The following SIPA1L3 variants were observed in gnomAD, a reference collection of about 807,000 sequenced individuals.
SIPA1L3 encodes the protein signal induced proliferation associated 1 like 3.
SIPA1L3 carries 59 observed loss-of-function variants against 150.1 expected under a neutral mutation model. That is an observed-to-expected ratio of 0.39 (90% confidence interval 0.32 to 0.49). The LOEUF is 0.49. SIPA1L3 is among the 20% of genes least tolerant of loss of function. The probability of loss-of-function intolerance (pLI) is 0.86; values close to 1 mark genes in which losing one functional copy is unlikely to be tolerated. For missense variants in SIPA1L3, 2,211 were observed against 2,489.5 expected (o/e 0.89, Z 2.38); for synonymous variants, 1,070 against 1,077.6 (o/e 0.99, Z 0.14).
intron 9 of SIPA1L3, among the ~76,000 whole-genome samples, chr19:38,126,986 ATT>A (rs1971189763): frequency 6.6e-6 from 1 of 152,000 alleles, no homozygotes; most frequent in Non-Finnish European, 1.5e-5. Context: ...AGAGGTCAGG[ATT>A]TCGACACCAG....
chr19:38,144,353 G>T (rs1971661097), intron 12 of SIPA1L3, among the ~76,000 whole-genome samples: 1 of 152,224 alleles, frequency 6.6e-6, no homozygotes, highest in Admixed American at 6.5e-5. Flanking sequence ...CTGATCTTTG[G>T]TATATATTGG....
At chr19:38,160,509 C>T (rs1452177730) in intron 13 of SIPA1L3, among the ~76,000 whole-genome samples, 1 of 151,902 alleles carries the variant, frequency 6.6e-6, no homozygotes, top group Non-Finnish European at 1.5e-5. Context: ...CCAAGCGATT[C>T]TTCTGCCTCA....
At chr19:38,132,903 C>A (rs1971346611) in intron 10 of SIPA1L3, among the ~76,000 whole-genome samples, 1 of 152,164 alleles carries the variant, frequency 6.6e-6, no homozygotes, top group Non-Finnish European at 1.5e-5. Context: ...CCACCTCAGC[C>A]ACCCAAAGTG....
intron 1 of SIPA1L3, among the ~76,000 whole-genome samples, chr19:37,960,494 G>A (rs1364318852): frequency 6.7e-6 from 1 of 150,154 alleles, no homozygotes; most frequent in Non-Finnish European, 1.5e-5. Flanking sequence ...AGCTCCGCCT[G>A]CTGGGTTCAC....
At chr19:37,954,145 A>C (rs73633159) in intron 1 of SIPA1L3, among the ~76,000 whole-genome samples, 3,552 of 152,200 alleles carry the variant, frequency 0.023, 114 homozygotes, top group East Asian at 0.066. Flanking sequence ...AATCATGTAA[A>C]TTTTTCCCTG....
intron 1 of SIPA1L3, among the ~76,000 whole-genome samples, chr19:37,931,176 T>G (rs1182743173): frequency 6.6e-6 from 1 of 152,204 alleles, no homozygotes; most frequent in Non-Finnish European, 1.5e-5. Context: ...TGCAGCTGAT[T>G]GTTGAGCATT....
Position 38,029,104 on chromosome 19 carries a change from C to T in SIPA1L3, c.-363C>T, listed in dbSNP as rs1427321632. The T allele has an allele frequency of 6.6e-6, 1 of 152,222 alleles. No homozygotes were observed. The highest frequency in any genetic ancestry group is 2.4e-5 in the African/African-American group (1 of 41,440). The allele number at this position is 152,222 out of a possible 1,614,324, so 9.4% of individuals were successfully genotyped here. A position where few individuals can be genotyped will look rare whatever the true frequency, so the allele number is the denominator to read the frequency against. On this transcript the variant is annotated 5_prime_UTR_variant, in exon 2 of 22. Transcript: ENST00000222345. ...CTCCATGTAGATGCACAGTCTCTGACATCAGCTCTCCTGGGACCCTCCAAG... is the reference window on the plus strand; with the variant it reads ...CTCCATGTAGATGCACAGTCTCTGATATCAGCTCTCCTGGGACCCTCCAAG...
At chr19:38,188,736 C>T (rs1415189130) in intron 16 of SIPA1L3, among the ~76,000 whole-genome samples, 4 of 149,920 alleles carry the variant, frequency 2.7e-5, no homozygotes, top group South Asian at 2.1e-4. Flanking sequence ...TCCTGGCTAA[C>T]ATGGTGAAAC....
At chr19:38,143,637 C>T (rs1229449197) in intron 12 of SIPA1L3, among the ~76,000 whole-genome samples, 1 of 142,430 alleles carries the variant, frequency 7.0e-6, no homozygotes, top group Non-Finnish European at 1.5e-5. Context: ...CTCCCGGGTT[C>T]AAGTGATTCT....
intron 7 of SIPA1L3, chr19:38,108,476 A>G (rs976505557): frequency 1.3e-5 from 2 of 152,194 alleles, no homozygotes; most frequent in African/African-American, 4.8e-5. Context: ...TTAGTACAGG[A>G]CCAGCCACAG....
chr19:37,959,224 A>T (rs1323261427), intron 1 of SIPA1L3, among the ~76,000 whole-genome samples: 1 of 152,244 alleles, frequency 6.6e-6, no homozygotes, highest in Non-Finnish European at 1.5e-5. Context: ...ACTTGTGCAT[A>T]CATGTTCAGA....
intron 15 of SIPA1L3, among the ~76,000 whole-genome samples, chr19:38,178,593 A>G (rs527792602): frequency 6.6e-6 from 1 of 152,226 alleles, no homozygotes; most frequent in East Asian, 1.9e-4. Flanking sequence ...CTCCTGCTTC[A>G]GCCTCCCGAG....
At chr19:37,935,795 T>C (rs697433) in intron 1 of SIPA1L3, among the ~76,000 whole-genome samples, 125,171 of 152,164 alleles carry the variant, frequency 0.82, 52,073 homozygotes, top group African/African-American at 0.94. Context: ...TAGAACTGGC[T>C]CCACATCACT....
Position 38,110,245 on chromosome 19 carries a change from A to G in SIPA1L3, c.2152A>G (p.Ile718Val). The change falls in exon 8 of 22, where the codon ATA becomes GTA. Residue 718 changes from isoleucine to valine, a missense_variant. This residue lies in a region of SIPA1L3 where 625 missense variants were observed against 804.2 expected (regional missense o/e 0.78). Transcript: ENST00000222345. ...NRQQLLRKRH[I>V]GNDIVTIIFQ... ...TTCCCAGCTGCTACGGAAGAGGCAC[A>G]TAGGAAATGACATCGTGACGATCAT... 2 of 1,614,108 alleles carry G rather than the reference A, an allele frequency of 1.2e-6. No homozygotes were observed. Among genetic ancestry groups the G allele is most frequent in the Non-Finnish European group, 1.7e-6 (2 of 1,179,996 alleles).
At chr19:37,991,103 G>A (rs1195957110) in intron 1 of SIPA1L3, among the ~76,000 whole-genome samples, 3 of 152,088 alleles carry the variant, frequency 2.0e-5, no homozygotes, top group Non-Finnish European at 2.9e-5. Flanking sequence ...GTAGTGGCAC[G>A]TGTCTGTAAT....
chr19:37,929,542 A>G (rs1281207508), intron 1 of SIPA1L3, among the ~76,000 whole-genome samples: 1 of 152,202 alleles, frequency 6.6e-6, no homozygotes, highest in African/African-American at 2.4e-5. Context: ...CTGGCAATTC[A>G]GGGAAACTTG....
chr19:38,038,692 C>A (rs1366345293), intron 2 of SIPA1L3, among the ~76,000 whole-genome samples: 1 of 151,662 alleles, frequency 6.6e-6, no homozygotes, highest in East Asian at 1.9e-4. Context: ...TTGAAAGACA[C>A]CCAGGAACAT....
intron 1 of SIPA1L3, 176 bp downstream of exon 1, chr19:37,907,534 A>G: frequency 6.6e-6 from 1 of 152,224 alleles, no homozygotes; most frequent in Non-Finnish European, 1.5e-5. Flanking sequence ...CGCATGGCTC[A>G]ACTTTCCAGG....
chr19:38,123,023 C>T (rs1011169611), intron 9 of SIPA1L3, among the ~76,000 whole-genome samples: 2 of 152,184 alleles, frequency 1.3e-5, no homozygotes, highest in African/African-American at 2.4e-5. Flanking sequence ...GCACAGTAGC[C>T]GCTGAGTGAG....
Sources: gnomAD v4.1 joint callset for allele counts (sites outside exome capture counted in the v4.1 genomes callset) on GRCh38, gnomAD v4.1.1 for gene constraint, gnomAD v4.1.1 regional missense constraint, MANE v1.5 for transcripts, NCBI Gene and HGNC (gene_info 2026-07-23, HGNC 2026-07-21) for gene names.